Variants in NRL observed in about 807,000 individuals in gnomAD.
NRL encodes neural retina-specific leucine zipper protein.
NRL carries 16 observed loss-of-function variants against 12.5 expected under a neutral mutation model. The observed-to-expected ratio is 1.28, with a 90% CI of 0.87 to 1.95. The LOEUF is 1.95. Among genes scored for constraint, NRL ranks in the 30% most tolerant of loss-of-function variants. NRL has a pLI of 0.00. For missense variants in NRL, 314 were observed against 325.8 expected (o/e 0.96, Z 0.28); for synonymous variants, 142 against 150.9 (o/e 0.94, Z 0.43).
chr14:24,100,241 A>G (rs887399641), intron 1 of NRL: 3 of 1,612,984 alleles, frequency 1.9e-6, no homozygotes, highest in African/African-American at 2.7e-5. Flanking sequence ...GGTGTGGCAC[A>G]GCCTCCAGGC....
At chr14:24,087,889 C>T (rs1166759622) in intron 1 of NRL, among the ~76,000 whole-genome samples, 1 of 152,100 alleles carries the variant, frequency 6.6e-6, no homozygotes, top group Non-Finnish European at 1.5e-5. Context: ...CCAGCCTGGG[C>T]AACATGGCAA....
intron 1 of NRL, among the ~76,000 whole-genome samples, chr14:24,092,260 G>T (rs2036653565): frequency 1.3e-5 from 2 of 152,214 alleles, no homozygotes; most frequent in African/African-American, 4.8e-5. Flanking sequence ...GCTATCACCT[G>T]AAGCCAGGTG....
At chr14:24,082,910 G>A (rs1405573244) in intron 1 of NRL, 35 bp from the exon 2 acceptor site, 4 of 1,555,518 alleles carry the variant, frequency 2.6e-6, no homozygotes, top group Admixed American at 3.6e-5. Context: ...AGCACATGGA[G>A]GCCACCTGCC....
Position 24,079,820 on chromosome 14 carries a change from G to A in NRL, c.*1416C>T, listed in dbSNP as rs1259273881. ...AGAGGCCCCATCTGCCCTCCCCTTAGCCTGCTGAACTGGAGGACTGGGTTA... is the reference window on the plus strand; with the variant it reads ...AGAGGCCCCATCTGCCCTCCCCTTAACCTGCTGAACTGGAGGACTGGGTTA... On this transcript the variant is annotated 3_prime_UTR_variant, in exon 3 of 3. Coordinates refer to ENST00000561028, the MANE Select transcript of NRL (RefSeq NM_001354768.3). Among the ~76,000 whole-genome samples the A allele has an allele frequency of 6.6e-6, 1 of 152,184 alleles. No homozygotes were observed. The highest frequency in any genetic ancestry group is 1.5e-5 in the Non-Finnish European group (1 of 68,036).
At chr14:24,106,808 G>C (rs1458173513) in intron 1 of NRL, among the ~76,000 whole-genome samples, 1 of 152,036 alleles carries the variant, frequency 6.6e-6, no homozygotes, top group African/African-American at 2.4e-5. Flanking sequence ...AATAGCATAT[G>C]ATAACTGAAT....
rs2138919138 is a variant in NRL, at chr14:24,094,398, C to T, written c.-27-11523G>A. 1.3e-6 allele frequency: 2 copies of T among 1,556,238 alleles called. No homozygotes were observed. Among genetic ancestry groups the T allele is most frequent in the Non-Finnish European group, 1.7e-6 (2 of 1,155,276 alleles). Reference sequence around the variant, plus strand: ...TCCTGGCCACCCCGCAGCCCCTGCCCAGGTGCCATGGCCGCATTGTACCGC... The same window carrying T: ...TCCTGGCCACCCCGCAGCCCCTGCCTAGGTGCCATGGCCGCATTGTACCGC... On this transcript the variant is annotated intron_variant, in intron 1 of 2. Transcript: ENST00000561028. The surrounding 1 kb of genome is among the most constrained non-coding windows in gnomAD (Gnocchi z 4.1).
At chr14:24,111,580 T>C (rs1312586168) in intron 1 of NRL, among the ~76,000 whole-genome samples, 4 of 151,910 alleles carry the variant, frequency 2.6e-5, no homozygotes, top group African/African-American at 9.7e-5. Context: ...TTGGCCAGGC[T>C]GGTCTCGAAC....
At chr14:24,099,825 CA>C in intron 1 of NRL, 1 of 1,502,852 alleles carries the variant, frequency 6.7e-7, no homozygotes, top group Non-Finnish European at 9.3e-7. Context: ...GTTTCCTGAA[CA>C]CCCAACCCTG....
At position 24,113,584 on chromosome 14, in the gene NRL, A is replaced by G. The variant is rs1294044340; in HGVS notation, c.-28+1138T>C. ...CTACATAATCAGTGGAGCCGAGTGC[A>G]AGATGAAAATACCAGGCACTTGCTT... is the stretch of plus-strand genomic sequence containing the variant. On this transcript the variant is annotated intron_variant, in intron 1 of 2. Transcript: ENST00000561028. Among the ~76,000 whole-genome samples, 5 of 152,250 alleles carry G rather than the reference A, an allele frequency of 3.3e-5. No individual in the cohort carries two copies. In the East Asian group the frequency reaches 9.6e-4, roughly 29 times the overall value.
At chr14:24,096,241 T>C (rs1177678014) in intron 1 of NRL, among the ~76,000 whole-genome samples, 2 of 133,116 alleles carry the variant, frequency 1.5e-5, no homozygotes, top group African/African-American at 2.9e-5. Context: ...TTTTTTTTTT[T>C]TTTTTTTTTT....
chr14:24,082,069 G>A lies in NRL; in HGVS notation c.381+399C>T. ...CCAATCCTTCCTGAGAAGGTTGGGG[G>A]CTGGGAAGCACGAAGTCTTGAAAAG... On this transcript the variant is annotated intron_variant, in intron 2 of 2. Transcript: ENST00000561028. The A allele has an allele frequency of 1.1e-5, 13 of 1,205,852 alleles. No individual in the cohort carries two copies. The South Asian group carries it at 2.4e-4, about 22-fold the overall frequency. The allele number at this position is 1,205,852 out of a possible 1,614,324, so 74.7% of individuals were successfully genotyped here.
At chr14:24,102,557 G>A (rs1433417302) in intron 1 of NRL, 16 of 573,172 alleles carry the variant, frequency 2.8e-5, no homozygotes, top group South Asian at 7.5e-5. Flanking sequence ...TCAGCTGGCC[G>A]CACCTTCATG....
At position 24,081,755 on chromosome 14, in the gene NRL, C is replaced by T. The variant is rs2036316111; in HGVS notation, c.382-187G>A. On this transcript the variant is annotated intron_variant, in intron 2 of 2. Coordinates refer to ENST00000561028, the MANE Select transcript of NRL (RefSeq NM_001354768.3). The surrounding 1 kb of genome is among the most constrained non-coding windows in gnomAD (Gnocchi z 4.4). ...GCCCCAGGCCCCGACGCTCCCCGGG[C>T]CCCCCAGCTGACCGTTGCTCCAGTC... is the stretch of plus-strand genomic sequence containing the variant. The T allele has an allele frequency of 9.2e-6, 14 of 1,518,772 alleles. No homozygotes were observed. Among genetic ancestry groups the T allele is most frequent in the East Asian group, 2.5e-5 (1 of 40,302 alleles). The allele number at this position is 1,518,772 out of a possible 1,614,324, so 94.1% of individuals were successfully genotyped here. A position where few individuals can be genotyped will look rare whatever the true frequency, so the allele number is the denominator to read the frequency against.
At chr14:24,087,149 G>A (rs2036486209) in intron 1 of NRL, among the ~76,000 whole-genome samples, 1 of 152,288 alleles carries the variant, frequency 6.6e-6, no homozygotes, top group South Asian at 2.1e-4. Flanking sequence ...TCTCCATGGG[G>A]ATTTGGATTA....
At chr14:24,100,558 A>G (rs2138963711) in intron 1 of NRL, 3 of 1,096,244 alleles carry the variant, frequency 2.7e-6, no homozygotes, top group Middle Eastern at 3.6e-4. Flanking sequence ...ATTCTCAATA[A>G]TAAATACAGG....
intron 1 of NRL, among the ~76,000 whole-genome samples, chr14:24,084,902 C>T (rs2036427665): frequency 6.6e-6 from 1 of 152,180 alleles, no homozygotes; most frequent in Non-Finnish European, 1.5e-5. Flanking sequence ...TGAACCACCA[C>T]CCCTCTATGT....
At chr14:24,097,258 T>C (rs2036928230) in intron 1 of NRL, 1 of 924,216 alleles carries the variant, frequency 1.1e-6, no homozygotes, top group Non-Finnish European at 1.6e-6. Context: ...AGCTTTGGGG[T>C]AAACAGACCC....
In NRL at chr14:24,080,045, T is replaced by TCTCTCTCC. The variant is rs1055484812; in HGVS notation, c.*1183_*1190dup. The TCTCTCTCC allele has an allele frequency of 3.9e-5, 6 of 151,956 alleles. No individual in the cohort carries two copies. Among genetic ancestry groups the TCTCTCTCC allele is most frequent in the Non-Finnish European group, 5.9e-5 (4 of 67,926 alleles). 9.4% of individuals were successfully genotyped at this position (151,956 alleles called of 1,614,324 possible). ...GGACTTCCCTTTTTCTTGCTCTCTCTCTCTCTCCCTCTCTCTCCCTCTCCC... is the reference window on the plus strand; with the variant it reads ...GGACTTCCCTTTTTCTTGCTCTCTCTCTCTCTCCCTCTCTCCCTCTCTCTCCCTCTCCC... On this transcript the variant is annotated 3_prime_UTR_variant, in exon 3 of 3. Coordinates refer to ENST00000561028, the MANE Select transcript of NRL (RefSeq NM_001354768.3).
chr14:24,111,649 G>A (rs974800124), intron 1 of NRL, among the ~76,000 whole-genome samples: 4 of 152,106 alleles, frequency 2.6e-5, no homozygotes, highest in Non-Finnish European at 5.9e-5. Flanking sequence ...TTACAGGCGT[G>A]AGCCACCGCG....
Sources: allele counts gnomAD v4.1 joint callset (sites outside exome capture counted in the v4.1 genomes callset), GRCh38; gene constraint gnomAD v4.1.1; non-coding constraint Gnocchi (gnomAD v3.1); transcripts MANE v1.5; gene names NCBI Gene and HGNC (gene_info 2026-07-23, HGNC 2026-07-21).